ATP11A: variants seen among roughly 807,000 people sequenced by gnomAD.
The protein encoded by ATP11A is ATPase phospholipid transporting 11A.
Under a neutral mutation model 154.4 loss-of-function variants are expected in ATP11A, and 81 were observed. The observed-to-expected ratio is 0.52, with a 90% confidence interval of 0.44 to 0.63. The LOEUF is 0.63. Among genes scored for constraint, ATP11A ranks in the 30% least tolerant of loss-of-function variants. The probability of loss-of-function intolerance (pLI) is 0.00; values close to 1 mark genes in which losing one functional copy is unlikely to be tolerated. For missense variants in ATP11A, 1,316 were observed against 1,474.3 expected, an observed-to-expected ratio of 0.89 and a Z score of 1.76; for synonymous variants, 623 against 585.9, an observed-to-expected ratio of 1.06 and a Z score of -0.91.
At chr13:112,760,771 A>G (rs390657) in intron 1 of ATP11A, among the ~76,000 whole-genome samples, 30,279 of 152,158 alleles carry the variant, frequency 0.2, 3,460 homozygotes, top group African/African-American at 0.31. Flanking sequence ...TTTGATCTGA[A>G]TTTGATAATC....
In ATP11A at chr13:112,754,457, T is replaced by C. The variant is rs1019999592; in HGVS notation, c.40-30678T>C. The stretch of plus-strand genomic sequence containing the variant: ...GGCAGGTGCCACCCCACAGCCCTGC[T>C]CTCCCGCCGAGGAAACTGAGTACTG... On this transcript the variant is annotated intron_variant, in intron 1 of 29. Coordinates refer to ENST00000375645, the MANE Select transcript of ATP11A (RefSeq NM_015205.3). The surrounding 1 kb of genome is among the most constrained non-coding windows in gnomAD (Gnocchi z 5.3). 1.3e-5 allele frequency: 2 copies of C among 152,144 alleles called. No homozygotes were observed. The highest frequency in any genetic ancestry group is 4.8e-5 in the African/African-American group (2 of 41,248). 9.4% of individuals were successfully genotyped at this position (152,144 alleles called of 1,614,324 possible). A position where few individuals can be genotyped will look rare whatever the true frequency, so the allele number is the denominator to read the frequency against.
At chr13:112,820,038 G>T (rs146635550) in intron 8 of ATP11A, 88 bp downstream of exon 8, 1 of 1,301,142 alleles carries the variant, frequency 7.7e-7, no homozygotes, top group Non-Finnish European at 1.0e-6. Flanking sequence ...TTTCCACGGC[G>T]GCTGCTCTGG....
At chr13:112,710,771 A>G (rs1594367932) in intron 1 of ATP11A, among the ~76,000 whole-genome samples, 1 of 150,922 alleles carries the variant, frequency 6.6e-6, no homozygotes, top group Admixed American at 6.5e-5. Flanking sequence ...AGTAATGAAA[A>G]TCATTTTAAA....
At chr13:112,712,191 T>A (rs1393919972) in intron 1 of ATP11A, among the ~76,000 whole-genome samples, 1 of 152,194 alleles carries the variant, frequency 6.6e-6, no homozygotes, top group East Asian at 1.9e-4. Flanking sequence ...CACAGATGCA[T>A]TTTGCTTCAC....
At position 112,838,370 on chromosome 13, in the gene ATP11A, G is replaced by A. The variant is rs943866733; in HGVS notation, c.1705+2119G>A. Among the ~76,000 whole-genome samples the A allele has an allele frequency of 3.3e-5, 5 of 151,796 alleles. No individual in the cohort carries two copies. The highest frequency in any genetic ancestry group is 9.7e-5 in the African/African-American group (4 of 41,310). ...CTGGAACATGCTGCCCGTGACCTGC[G>A]GGGCTGACTCACGTGGTTTTCCCCG... On this transcript the variant is annotated intron_variant, in intron 16 of 29. Coordinates refer to ENST00000375645, the MANE Select transcript of ATP11A (RefSeq NM_015205.3). This position sits in a 1 kb window ranked among gnomAD's most constrained non-coding sequence, Gnocchi z 7.3.
chr13:112,747,388 A>T (rs1320869904), intron 1 of ATP11A: 1 of 152,278 alleles, frequency 6.6e-6, no homozygotes, highest in East Asian at 1.9e-4. Flanking sequence ...GTCCACGGGT[A>T]AGGACCTCCC....
intron 25 of ATP11A, among the ~76,000 whole-genome samples, chr13:112,865,522 G>A (rs1011737371): frequency 6.6e-6 from 1 of 152,268 alleles, no homozygotes; most frequent in African/African-American, 2.4e-5. Context: ...TTGCTGTAAG[G>A]AAATGTCCTG....
intron 1 of ATP11A, among the ~76,000 whole-genome samples, chr13:112,768,774 G>A (rs9324325): frequency 0.017 from 2,566 of 152,288 alleles, 73 homozygotes; most frequent in African/African-American, 0.05. Context: ...CGCTGGGCTC[G>A]TGGGTGACGC....
In ATP11A at chr13:112,690,496, A is replaced by G; in HGVS notation, c.39+41A>G. 7.7e-7 allele frequency: 1 copy of G among 1,296,712 alleles called. No homozygotes were observed. The highest frequency in any genetic ancestry group is 2.6e-5 in the South Asian group (1 of 38,286). The allele number at this position is 1,296,712 out of a possible 1,614,324, so 80.3% of individuals were successfully genotyped here. ...GCGGGCTGGGGGACCCGGGGACCAG[A>G]CAGACGCGGGCCGGCCCCGCAGCCC... is the stretch of plus-strand genomic sequence containing the variant. On this transcript the variant is annotated intron_variant, in intron 1 of 29. Transcript: ENST00000375645. This position sits in a 1 kb window ranked among gnomAD's most constrained non-coding sequence, Gnocchi z 5.6.
chr13:112,704,236 G>A (rs934810281), intron 1 of ATP11A, among the ~76,000 whole-genome samples: 6 of 152,200 alleles, frequency 3.9e-5, no homozygotes, highest in African/African-American at 1.2e-4. Flanking sequence ...ATAATCAAAG[G>A]TCTTTACCAT....
rs2078357200 is a variant in ATP11A, at chr13:112,807,538, C to T, written c.333+1245C>T. Reference sequence around the variant, plus strand: ...CTTCCCAAGGACGCGCTGCCTGTGACTCAGGCAGTTTAACTCCTACCTGGG... The same window carrying T: ...CTTCCCAAGGACGCGCTGCCTGTGATTCAGGCAGTTTAACTCCTACCTGGG... On this transcript the variant is annotated intron_variant, in intron 4 of 29. Transcript: ENST00000375645. This position sits in a 1 kb window ranked among gnomAD's most constrained non-coding sequence, Gnocchi z 4.5. Among the ~76,000 whole-genome samples, 1 of 152,208 alleles carries T rather than the reference C, an allele frequency of 6.6e-6. No homozygotes were observed. The highest frequency in any genetic ancestry group is 1.5e-5 in the Non-Finnish European group (1 of 68,040).
intron 20 of ATP11A, among the ~76,000 whole-genome samples, chr13:112,857,075 C>T (rs2079950489): frequency 6.6e-6 from 1 of 152,206 alleles, no homozygotes; most frequent in African/African-American, 2.4e-5. Context: ...GCCATTCGCT[C>T]TTCATGTATT....
At chr13:112,814,773 C>T (rs929378610) in intron 5 of ATP11A, among the ~76,000 whole-genome samples, 3 of 152,222 alleles carry the variant, frequency 2.0e-5, no homozygotes, top group African/African-American at 7.2e-5. Flanking sequence ...GAAGGCTGGA[C>T]ATTGGGGATA....
At chr13:112,744,563 TC>T (rs1214759525) in intron 1 of ATP11A, among the ~76,000 whole-genome samples, 6 of 152,200 alleles carry the variant, frequency 3.9e-5, no homozygotes, top group African/African-American at 1.4e-4. Flanking sequence ...GGTGCCTCCC[TC>T]CCCGGCCCTC....
chr13:112,763,496 G>A (rs2077007665), intron 1 of ATP11A, among the ~76,000 whole-genome samples: 1 of 152,174 alleles, frequency 6.6e-6, no homozygotes, highest in Admixed American at 6.5e-5. Context: ...GACATATTTT[G>A]AAATGGCCCC....
chr13:112,785,949 A>G lies in ATP11A; in HGVS notation c.162+692A>G, dbSNP rs7996066. On this transcript the variant is annotated intron_variant, in intron 2 of 29. Coordinates refer to ENST00000375645, the MANE Select transcript of ATP11A (RefSeq NM_015205.3). The surrounding 1 kb of genome is among the most constrained non-coding windows in gnomAD (Gnocchi z 4.8). Reference sequence around the variant, plus strand: ...ACGCACGTGCCTGCGTTCAGACTCCATTTATCTTCACCGTCCTTCAAAATG... The same window carrying G: ...ACGCACGTGCCTGCGTTCAGACTCCGTTTATCTTCACCGTCCTTCAAAATG... Among the ~76,000 whole-genome samples the G allele has an allele frequency of 0.32, 41,285 of 127,776 alleles. 6,320 individuals are homozygous for G. Among genetic ancestry groups the G allele is most frequent in the Middle Eastern group, 0.45 (94 of 210 alleles). The allele number at this position is 127,776 out of a possible 152,430, so 83.8% of individuals were successfully genotyped here.
intron 17 of ATP11A, among the ~76,000 whole-genome samples, chr13:112,845,110 G>A (rs978064542): frequency 3.3e-5 from 5 of 151,066 alleles, no homozygotes; most frequent in Admixed American, 1.3e-4. Flanking sequence ...AGCCACTAGC[G>A]GTACTAGTAC....
intron 1 of ATP11A, among the ~76,000 whole-genome samples, chr13:112,722,481 T>C (rs1047742733): frequency 2.6e-5 from 4 of 152,012 alleles, no homozygotes; most frequent in Non-Finnish European, 5.9e-5. Flanking sequence ...AATGAATAGA[T>C]TGTAAATGTT....
intron 14 of ATP11A, 139 bp from the exon 15 acceptor site, chr13:112,834,450 A>T: frequency 1.5e-6 from 1 of 648,924 alleles, no homozygotes; most frequent in Non-Finnish European, 2.8e-6. Context: ...CTAACTTTAT[A>T]ATGCAGTTTA....
Sources: allele counts gnomAD v4.1 joint callset (sites outside exome capture counted in the v4.1 genomes callset), GRCh38; gene constraint gnomAD v4.1.1; non-coding constraint Gnocchi (gnomAD v3.1); transcripts MANE v1.5; gene names NCBI Gene and HGNC (gene_info 2026-07-23, HGNC 2026-07-21).